PTCD3: variants seen among roughly 807,000 people sequenced by gnomAD.
The protein encoded by PTCD3 is pentatricopeptide repeat domain 3, also known as small ribosomal subunit protein mS39.
Under a neutral mutation model 101.9 loss-of-function variants are expected in PTCD3, and 89 were observed. That is an observed-to-expected ratio of 0.87 (90% CI 0.74 to 1.04). The LOEUF (loss-of-function observed/expected upper bound fraction) is 1.04, where lower values mean the gene tolerates loss of function less well. Ranked by LOEUF, PTCD3 falls within the 50% of genes least tolerant of loss-of-function variation. The pLI is 0.00. For synonymous variants in PTCD3, 296 were observed against 278.5 expected, an observed-to-expected ratio of 1.06 and a Z score of -0.63; for missense variants, 870 against 828.2, an observed-to-expected ratio of 1.05 and a Z score of -0.62.
chr2:86,125,860 GA>G lies in PTCD3; in HGVS notation c.936del (p.Lys312AsnfsTer9). On this transcript the variant is annotated frameshift_variant, in exon 12 of 24. Coordinates refer to ENST00000254630, the MANE Select transcript of PTCD3 (RefSeq NM_017952.6). LOFTEE classifies it high-confidence loss of function. ...ATGTGCGATAAATGAGAAATTTGAG[GA>G]AAAATGGAGTAAAATACTGGTAAGG... Reference protein sequence around the residue: ...TVCAINEKFEEKWSKILELLR... With the variant: ...TVCAINEKFEXKWSKILELLR... 1.2e-6 allele frequency: 2 copies of G among 1,602,970 alleles called. No individual in the cohort carries two copies. Among genetic ancestry groups the G allele is most frequent in the Non-Finnish European group, 1.7e-6 (2 of 1,170,146 alleles).
At chr2:86,130,949 T>A (rs191585663) in intron 15 of PTCD3, 129 bp from the exon 16 acceptor site, 2 of 1,395,452 alleles carry the variant, frequency 1.4e-6, no homozygotes, top group Non-Finnish European at 1.9e-6. Context: ...CTGCCTCTCT[T>A]AAGTTTTTAT....
intron 7 of PTCD3, among the ~76,000 whole-genome samples, chr2:86,120,670 G>A (rs1053506522): frequency 6.6e-6 from 1 of 152,110 alleles, no homozygotes; most frequent in African/African-American, 2.4e-5. Flanking sequence ...CAAAACAGGA[G>A]GATTGCTTGA....
intron 8 of PTCD3, among the ~76,000 whole-genome samples, chr2:86,122,763 A>G (rs1674312738): frequency 6.6e-6 from 1 of 152,214 alleles, no homozygotes; most frequent in Admixed American, 6.5e-5. Context: ...GTGCATAGGC[A>G]GTAGGTTGCA....
Position 86,116,510 on chromosome 2 carries a change from G to A in PTCD3, c.241-20G>A, listed in dbSNP as rs1424679766. The A allele has an allele frequency of 6.3e-7, 1 of 1,579,470 alleles. No homozygotes were observed. Among genetic ancestry groups the A allele is most frequent in the Non-Finnish European group, 8.7e-7 (1 of 1,149,446 alleles). ...TGTCTTCAAAATAAATATAGAAATTGTATTATGTCTTTTCCACAGGATACC... is the reference window on the plus strand; with the variant it reads ...TGTCTTCAAAATAAATATAGAAATTATATTATGTCTTTTCCACAGGATACC... On this transcript the variant is annotated intron_variant, in intron 4 of 23. Transcript: ENST00000254630.
intron 21 of PTCD3, among the ~76,000 whole-genome samples, chr2:86,135,508 C>T (rs1167044795): frequency 6.6e-6 from 1 of 152,214 alleles, no homozygotes. Flanking sequence ...GCACTTCATT[C>T]ACATACTAAT....
At chr2:86,125,188 C>A in intron 10 of PTCD3, 106 bp downstream of exon 10, 1 of 1,496,640 alleles carries the variant, frequency 6.7e-7, no homozygotes, top group African/African-American at 1.4e-5. Flanking sequence ...GGGGTCTGTC[C>A]TGTGCATTGT....
intron 1 of PTCD3, 37 bp from the exon 2 acceptor site, chr2:86,108,313 A>G (rs1228467859): frequency 6.3e-7 from 1 of 1,590,480 alleles, no homozygotes; most frequent in Non-Finnish European, 8.5e-7. Flanking sequence ...GTACTTCATT[A>G]ATGACTATTA....
At chr2:86,119,149 T>TA (rs1286531541) in intron 7 of PTCD3, 105 bp downstream of exon 7, 6 of 1,417,600 alleles carry the variant, frequency 4.2e-6, no homozygotes, top group Non-Finnish European at 5.8e-6. Flanking sequence ...CTGCTGTACT[T>TA]ACTCTGCTTT....
At chr2:86,121,439 T>C (rs1420761488) in intron 7 of PTCD3, 40 bp from the exon 8 acceptor site, 3 of 1,308,980 alleles carry the variant, frequency 2.3e-6, no homozygotes. Flanking sequence ...AGTTCTTCAT[T>C]GTTTCAAGGT....
Position 86,117,059 on chromosome 2 carries a change from C to T in PTCD3, c.314C>T (p.Ser105Leu), listed in dbSNP as rs144692560. Residue 105 changes from serine to leucine, a missense_variant, in exon 6 of 24, where the codon TCA (serine) becomes TTA (leucine). Ser to Leu is a moderately radical substitution (Grantham distance 145). Transcript: ENST00000254630. ...TAAATCTTTTTCTTTATATAGCGTT[C>T]ATTTTTACTGGCAAAGAAATCCGGG... ...LMPASSLESRSFLLAKKSGEN... is the reference protein window; with the variant it reads ...LMPASSLESRLFLLAKKSGEN... 36 of 1,231,190 alleles carry T rather than the reference C, an allele frequency of 2.9e-5. No individual in the cohort carries two copies. The highest frequency in any genetic ancestry group is 4.1e-5 in the Non-Finnish European group (34 of 831,434). The allele number at this position is 1,231,190 out of a possible 1,614,324, so 76.3% of individuals were successfully genotyped here.
rs1329282672 is a variant in PTCD3, at chr2:86,132,415, A to G, written c.1364A>G (p.Asn455Ser). Residue 455 changes from asparagine to serine, a missense_variant, in exon 17 of 24, where the codon AAT becomes AGT. Coordinates refer to ENST00000254630, the MANE Select transcript of PTCD3 (RefSeq NM_017952.6). ...WKFIGPDQHRNFYYSKFFDLI... is the reference protein window; with the variant it reads ...WKFIGPDQHRSFYYSKFFDLI... ...TTCATTGGACCTGATCAACATCGTA[A>G]TTTCTATTAGTAAGTGTGTTGGAAA... 1.3e-6 allele frequency: 2 copies of G among 1,582,412 alleles called. No individual in the cohort carries two copies. Among genetic ancestry groups the G allele is most frequent in the Admixed American group, 3.4e-5 (2 of 59,542 alleles).
Position 86,140,945 on chromosome 2 carries a change from G to C in PTCD3, c.*3386G>C, listed in dbSNP as rs1472109304. The C allele has an allele frequency of 2.6e-5, 4 of 151,650 alleles. No homozygotes were observed. The highest frequency in any genetic ancestry group is 4.4e-5 in the Non-Finnish European group (3 of 67,992). The allele number at this position is 151,650 out of a possible 1,614,324, so 9.4% of individuals were successfully genotyped here. A position where few individuals can be genotyped will look rare whatever the true frequency, so the allele number is the denominator to read the frequency against. On this transcript the variant is annotated 3_prime_UTR_variant, in exon 24 of 24. Coordinates refer to ENST00000254630, the MANE Select transcript of PTCD3 (RefSeq NM_017952.6). The stretch of plus-strand genomic sequence containing the variant: ...AAACCAAAAAAACTGTCCAGCTGTG[G>C]ACTTTCAGGATTCAGGACTGCTGGG...
At chr2:86,124,120 T>C (rs913013225) in intron 9 of PTCD3, among the ~76,000 whole-genome samples, 3 of 152,212 alleles carry the variant, frequency 2.0e-5, no homozygotes, top group South Asian at 2.1e-4. Flanking sequence ...AAAAATATCA[T>C]GGACACTAGA....
At chr2:86,129,151 T>A (rs1674451532) in intron 14 of PTCD3, among the ~76,000 whole-genome samples, 1 of 152,220 alleles carries the variant, frequency 6.6e-6, no homozygotes, top group South Asian at 2.1e-4. Context: ...TCCATAATTG[T>A]GTCCCCTAAA....
rs1674230073 is a variant in PTCD3 at position 86,118,950 on chromosome 2, G to A, written c.444G>A (p.Gln148=). 1 of 1,613,750 alleles carries A rather than the reference G, an allele frequency of 6.2e-7. No homozygotes were observed. Among genetic ancestry groups the A allele is most frequent in the African/African-American group, 1.3e-5 (1 of 74,912 alleles). ...TAATGCCTGAGTACTTTGAACCTCA[G>A]ATCAAAGACATAAGTGAAGCCGCCC... is the stretch of plus-strand genomic sequence containing the variant. ...PCLMPEYFEP[Q]IKDISEAALK... The change falls in exon 7 of 24, where the codon CAG becomes CAA. Residue 148 remains glutamine (Q), a synonymous_variant. Transcript: ENST00000254630.
rs1369495232 is a variant in PTCD3, at chr2:86,138,472, T to G, written c.*913T>G. The G allele has an allele frequency of 6.6e-6, 1 of 152,198 alleles. No homozygotes were observed. The highest frequency in any genetic ancestry group is 2.4e-5 in the African/African-American group (1 of 41,430). 9.4% of individuals were successfully genotyped at this position (152,198 alleles called of 1,614,324 possible). A position where few individuals can be genotyped will look rare whatever the true frequency, so the allele number is the denominator to read the frequency against. ...TACCTGGCTCCCAGATTTACTTAGGTACCCCACGAGTTGTCCACATAAGCA... is the reference window on the plus strand; with the variant it reads ...TACCTGGCTCCCAGATTTACTTAGGGACCCCACGAGTTGTCCACATAAGCA... On this transcript the variant is annotated 3_prime_UTR_variant, in exon 24 of 24. Transcript: ENST00000254630.
chr2:86,134,044 CACGTGG>C (rs1239504050), intron 19 of PTCD3, among the ~76,000 whole-genome samples: 2 of 152,168 alleles, frequency 1.3e-5, no homozygotes, highest in Non-Finnish European at 1.5e-5. Context: ...ACGTCTTAAC[CACGTGG>C]AGCTGGTGGC....
Position 86,132,411 on chromosome 2 carries a change from C to G in PTCD3, c.1360C>G (p.Arg454Gly). Residue 454 changes from arginine to glycine, a missense_variant, in exon 17 of 24, where the codon CGT (arginine) becomes GGT (glycine). Arg to Gly is a moderately radical substitution (Grantham distance 125). Coordinates refer to ENST00000254630, the MANE Select transcript of PTCD3 (RefSeq NM_017952.6). The stretch of plus-strand genomic sequence containing the variant: ...GAAATTCATTGGACCTGATCAACAT[C>G]GTAATTTCTATTAGTAAGTGTGTTG... Reference protein sequence around the residue: ...NWKFIGPDQHRNFYYSKFFDL... With the variant: ...NWKFIGPDQHGNFYYSKFFDL... The G allele has an allele frequency of 1.9e-6, 3 of 1,588,948 alleles. No individual in the cohort carries two copies. The highest frequency in any genetic ancestry group is 2.6e-6 in the Non-Finnish European group (3 of 1,157,820).
rs1674412524 is a variant in PTCD3 at position 86,127,219 on chromosome 2, C to T, written c.1010C>T (p.Thr337Ile). Residue 337 changes from threonine (T) to isoleucine (I), a missense_variant, in exon 13 of 24, where the codon ACC becomes ATC. Coordinates refer to ENST00000254630, the MANE Select transcript of PTCD3 (RefSeq NM_017952.6). ...KVKPNLQTFN[T>I]ILKCLRRFHV... ...AAACCAAATCTTCAGACTTTTAATA[C>T]CATTCTGAAATGTCTCCGAAGATTT... is the stretch of plus-strand genomic sequence containing the variant. 6.2e-7 allele frequency: 1 copy of T among 1,613,102 alleles called. No individual in the cohort carries two copies. The highest frequency in any genetic ancestry group is 1.7e-5 in the Admixed American group (1 of 59,978).
Sources: allele counts gnomAD v4.1 joint callset (sites outside exome capture counted in the v4.1 genomes callset), GRCh38; gene constraint gnomAD v4.1.1; transcripts MANE v1.5; gene names NCBI Gene and HGNC (gene_info 2026-07-23, HGNC 2026-07-21).